The following PSD variants were observed in gnomAD, a reference collection of about 807,000 sequenced individuals.
PSD encodes the protein pleckstrin and Sec7 domain containing.
Under a neutral mutation model 91.6 loss-of-function variants are expected in PSD, and 32 were observed. The observed-to-expected ratio is 0.35, with a 90% CI of 0.26 to 0.47. PSD has a LOEUF of 0.47. Ranked by LOEUF, PSD falls within the 20% of genes least tolerant of loss-of-function variation. The pLI is 1.00. For synonymous variants in PSD, 532 were observed against 569.3 expected (o/e 0.93, Z 0.93); for missense variants, 1,099 against 1,373.9 (o/e 0.80, Z 3.16).
At chr10:102,411,956 G>T (rs2135456838) in intron 7 of PSD, 137 bp from the exon 8 acceptor site, 2 of 902,126 alleles carry the variant, frequency 2.2e-6, no homozygotes, top group South Asian at 1.4e-5. Flanking sequence ...TATGCACCCT[G>T]ACCCTCCACC....
Position 102,410,722 on chromosome 10 carries a change from G to A in PSD, c.2091+136C>T, listed in dbSNP as rs2135455666. 7 of 728,550 alleles carry A rather than the reference G, an allele frequency of 9.6e-6. No homozygotes were observed. Among genetic ancestry groups the A allele is most frequent in the East Asian group, 5.1e-5 (2 of 39,570 alleles). 45.1% of individuals were successfully genotyped at this position (728,550 alleles called of 1,614,324 possible). A position where few individuals can be genotyped will look rare whatever the true frequency, so the allele number is the denominator to read the frequency against. On this transcript the variant is annotated intron_variant, in intron 10 of 16. Coordinates refer to ENST00000020673, the MANE Select transcript of PSD (RefSeq NM_002779.5). This position sits in a 1 kb window ranked among gnomAD's most constrained non-coding sequence, Gnocchi z 6.0. Reference sequence around the variant, plus strand: ...GGGGGCGGTCCCCAGGCTGAGTCACGAGAGCCCGGGCTTCCGTGGCAGGAG... The same window carrying A: ...GGGGGCGGTCCCCAGGCTGAGTCACAAGAGCCCGGGCTTCCGTGGCAGGAG...
intron 1 of PSD, 22 bp downstream of exon 1, chr10:102,418,679 T>C (rs2061515869): frequency 2.2e-6 from 1 of 455,028 alleles, no homozygotes. Context: ...CAGCCCCAAC[T>C]CAATGCCACC....
rs2061315051 is a variant in PSD, at chr10:102,403,691, A to G, written c.2844+151T>C. Reference sequence around the variant, plus strand: ...CACCTCGAGACCCCAGTGGATGTCAAATGTTATCCTTGTTGCACAGAGGAG... The same window carrying G: ...CACCTCGAGACCCCAGTGGATGTCAGATGTTATCCTTGTTGCACAGAGGAG... On this transcript the variant is annotated intron_variant, in intron 16 of 16. Transcript: ENST00000020673. The surrounding 1 kb of genome is among the most constrained non-coding windows in gnomAD (Gnocchi z 6.7). 5 of 1,107,320 alleles carry G rather than the reference A, an allele frequency of 4.5e-6. No individual in the cohort carries two copies. The highest frequency in any genetic ancestry group is 6.3e-6 in the Non-Finnish European group (5 of 796,470). 68.6% of individuals were successfully genotyped at this position (1,107,320 alleles called of 1,614,324 possible).
chr10:102,416,216 A>T lies in PSD; in HGVS notation c.655-97T>A. ...GAAACAGAAATTAAAACATGCATCG[A>T]CAGAGATGGAGGTTCAGAGACACAG... On this transcript the variant is annotated intron_variant, in intron 2 of 16. Coordinates refer to ENST00000020673, the MANE Select transcript of PSD (RefSeq NM_002779.5). This position sits in a 1 kb window ranked among gnomAD's most constrained non-coding sequence, Gnocchi z 6.0. The T allele has an allele frequency of 8.3e-7, 1 of 1,203,698 alleles. No individual in the cohort carries two copies. The highest frequency in any genetic ancestry group is 1.4e-5 in the South Asian group (1 of 70,428). 74.6% of individuals were successfully genotyped at this position (1,203,698 alleles called of 1,614,324 possible).
Position 102,407,278 on chromosome 10 carries a change from G to A in PSD, c.2092-12C>T. 2 of 1,569,262 alleles carry A rather than the reference G, an allele frequency of 1.3e-6. No homozygotes were observed. The highest frequency in any genetic ancestry group is 1.7e-6 in the Non-Finnish European group (2 of 1,156,396). ...GAGCTGTACAAGGCCTGGGGGGTGG[G>A]GGGAACAAATTAGGGGGTTGTGGGT... On this transcript the variant is annotated splice_polypyrimidine_tract_variant and intron_variant, in intron 10 of 16. Coordinates refer to ENST00000020673, the MANE Select transcript of PSD (RefSeq NM_002779.5).
intron 1 of PSD, 114 bp from the exon 2 acceptor site, chr10:102,417,235 C>T: frequency 7.0e-6 from 4 of 569,548 alleles, no homozygotes; most frequent in South Asian, 4.2e-5. Context: ...GGACCTAGCA[C>T]ACCCTGGTAA....
intron 5 of PSD, 51 bp downstream of exon 5, chr10:102,413,718 T>C (rs777089243): frequency 8.5e-6 from 13 of 1,536,288 alleles, no homozygotes; most frequent in Non-Finnish European, 1.1e-5. Flanking sequence ...ACAGCAGCTG[T>C]TTCTGGAGCC....
rs1339758623 is a variant in PSD at position 102,404,823 on chromosome 10, A to T, written c.2555+75T>A. ...AGTGTGGCCTGAGAAGGAATGAAAA[A>T]ATCCAGGGACAGGGAGGGGAGCAGG... On this transcript the variant is annotated intron_variant, in intron 14 of 16. Transcript: ENST00000020673. The surrounding 1 kb of genome is among the most constrained non-coding windows in gnomAD (Gnocchi z 5.7). 3.2e-6 allele frequency: 5 copies of T among 1,577,076 alleles called. No individual in the cohort carries two copies. The highest frequency in any genetic ancestry group is 1.7e-4 in the Middle Eastern group (1 of 5,872).
At chr10:102,411,264 C>G (rs929584996) in intron 8 of PSD, 148 bp from the exon 9 acceptor site, 1 of 264,078 alleles carries the variant, frequency 3.8e-6, no homozygotes, top group African/African-American at 4.0e-5. Flanking sequence ...CCACAAAGAG[C>G]TCCTCTTCCA....
chr10:102,409,512 TG>T lies in PSD; in HGVS notation c.2091+1345del, dbSNP rs892729009. ...GCAGGGTCTGGAACTCCCTTCTGGCTGGTCTGGGTTGGGGTGGTGGGAGGGG... is the reference window on the plus strand; with the variant it reads ...GCAGGGTCTGGAACTCCCTTCTGGCTGTCTGGGTTGGGGTGGTGGGAGGGG... On this transcript the variant is annotated intron_variant, in intron 10 of 16. Transcript: ENST00000020673. This position sits in a 1 kb window ranked among gnomAD's most constrained non-coding sequence, Gnocchi z 5.7. Among the ~76,000 whole-genome samples, 3 of 152,018 alleles carry T rather than the reference TG, an allele frequency of 2.0e-5. No individual in the cohort carries two copies. Among genetic ancestry groups the T allele is most frequent in the African/African-American group, 7.2e-5 (3 of 41,388 alleles).
intron 11 of PSD, 116 bp downstream of exon 11, chr10:102,407,107 G>T: frequency 1.1e-6 from 1 of 897,642 alleles, no homozygotes; most frequent in Non-Finnish European, 1.6e-6. Flanking sequence ...GCCTCTCATG[G>T]CCTCTCACTC....
Position 102,410,708 on chromosome 10 carries a change from C to T in PSD, c.2091+150G>A. 2 of 680,724 alleles carry T rather than the reference C, an allele frequency of 2.9e-6. No individual in the cohort carries two copies. Among genetic ancestry groups the T allele is most frequent in the Non-Finnish European group, 5.2e-6 (2 of 381,074 alleles). 42.2% of individuals were successfully genotyped at this position (680,724 alleles called of 1,614,324 possible). ...GTGGGGCCTGGGGAGGGGGCGGTCC[C>T]CAGGCTGAGTCACGAGAGCCCGGGC... On this transcript the variant is annotated intron_variant, in intron 10 of 16. Transcript: ENST00000020673. The surrounding 1 kb of genome is among the most constrained non-coding windows in gnomAD (Gnocchi z 6.0).
At position 102,410,587 on chromosome 10, in the gene PSD, G is replaced by C. The variant is rs1376285087; in HGVS notation, c.2091+271C>G. ...GAACTGAAGGCAAACGCAGGGGCCGGGGCCGCCTGCTCGCGTTTTCCAGAG... is the reference window on the plus strand; with the variant it reads ...GAACTGAAGGCAAACGCAGGGGCCGCGGCCGCCTGCTCGCGTTTTCCAGAG... On this transcript the variant is annotated intron_variant, in intron 10 of 16. Coordinates refer to ENST00000020673, the MANE Select transcript of PSD (RefSeq NM_002779.5). This position sits in a 1 kb window ranked among gnomAD's most constrained non-coding sequence, Gnocchi z 6.0. Among the ~76,000 whole-genome samples, 1 of 152,210 alleles carries C rather than the reference G, an allele frequency of 6.6e-6. No individual in the cohort carries two copies. Among genetic ancestry groups the C allele is most frequent in the Non-Finnish European group, 1.5e-5 (1 of 68,024 alleles).
upstream of PSD, chr10:102,419,111 T>C (rs2061524517): frequency 3.6e-6 from 1 of 280,750 alleles, no homozygotes; most frequent in Non-Finnish European, 7.3e-6. The surrounding 1 kb of genome is among the most constrained non-coding windows in gnomAD (Gnocchi z 4.8). Context: ...ACCCCACGCG[T>C]GTCCCTAGGA....
chr10:102,418,834 C>G (rs939121227), upstream of PSD: 7 of 396,166 alleles, frequency 1.8e-5, no homozygotes, highest in Admixed American at 1.8e-4. Flanking sequence ...CCCTACGCGC[C>G]GCTCAGGCAA....
At chr10:102,412,248 CAGGT>C in intron 6 of PSD, 21 bp from the exon 7 acceptor site, 1 of 1,613,800 alleles carries the variant, frequency 6.2e-7, no homozygotes, top group Non-Finnish European at 8.5e-7. Flanking sequence ...GGCAGAGAGA[CAGGT>C]AGGGTCTCAA....
In PSD at chr10:102,404,917, C is replaced by A; in HGVS notation, c.2536G>T (p.Val846Phe). Reference protein sequence around the residue: ...VFYLRTADWRVFLFQAPSLEQ... With the variant: ...VFYLRTADWRFFLFQAPSLEQ... ...ACTCACGGGGCCTGGAAGAGGAAGA[C>A]CCGCCAGTCAGCTGTGCGCAGGTAG... The change falls in exon 14 of 17, where the codon GTC (valine) becomes TTC (phenylalanine). Residue 846 changes from valine (V) to phenylalanine (F), a missense_variant. Around this residue, in one of 3 missense-constraint regions of PSD, gnomAD observed 358 missense variants for 426.5 expected, o/e 0.84. Coordinates refer to ENST00000020673, the MANE Select transcript of PSD (RefSeq NM_002779.5). This position sits in a 1 kb window ranked among gnomAD's most constrained non-coding sequence, Gnocchi z 5.7. 3 of 1,613,598 alleles carry A rather than the reference C, an allele frequency of 1.9e-6. No homozygotes were observed. The highest frequency in any genetic ancestry group is 2.5e-6 in the Non-Finnish European group (3 of 1,179,774).
Position 102,405,637 on chromosome 10 carries a change from G to T in PSD, c.2136-101C>A. The stretch of plus-strand genomic sequence containing the variant: ...CTGGAAAAGCTCCCCCAGTGTTTGT[G>T]GCTTGGGGGGCTCAACCTGAGGGTC... On this transcript the variant is annotated intron_variant, in intron 11 of 16. Coordinates refer to ENST00000020673, the MANE Select transcript of PSD (RefSeq NM_002779.5). This position sits in a 1 kb window ranked among gnomAD's most constrained non-coding sequence, Gnocchi z 5.4. The T allele has an allele frequency of 1.8e-6, 2 of 1,120,734 alleles. No homozygotes were observed. Among genetic ancestry groups the T allele is most frequent in the South Asian group, 1.5e-5 (1 of 65,448 alleles). 69.4% of individuals were successfully genotyped at this position (1,120,734 alleles called of 1,614,324 possible).
chr10:102,419,714 C>G (rs1349477849), upstream of PSD: 1 of 162,194 alleles, frequency 6.2e-6, no homozygotes, highest in Non-Finnish European at 1.4e-5. The surrounding 1 kb of genome is among the most constrained non-coding windows in gnomAD (Gnocchi z 4.8). Context: ...CCAGATTTGT[C>G]GCACTGCGCA....
Sources: allele counts gnomAD v4.1 joint callset (sites outside exome capture counted in the v4.1 genomes callset), GRCh38; gene constraint gnomAD v4.1.1; regional missense constraint gnomAD v4.1.1; non-coding constraint Gnocchi (gnomAD v3.1); transcripts MANE v1.5; gene names NCBI Gene and HGNC (gene_info 2026-07-23, HGNC 2026-07-21).